Variants in CNTNAP5 observed in about 807,000 individuals in gnomAD.
CNTNAP5 encodes the protein contactin-associated protein-like 5.
A neutral mutation model predicts 150.2 loss-of-function variants in CNTNAP5; 72 were observed. The observed-to-expected ratio is 0.48, with a 90% CI of 0.40 to 0.58. CNTNAP5 has a LOEUF of 0.58. Among genes scored for constraint, CNTNAP5 ranks in the 20% least tolerant of loss-of-function variants. The pLI is 0.00. For synonymous variants in CNTNAP5, 672 were observed against 619.8 expected (o/e 1.08, Z -1.25); for missense variants, 1,636 against 1,626.2 (o/e 1.01, Z -0.10).
chr2:124,042,970 A>G (rs1681423563), intron 1 of CNTNAP5, among the ~76,000 whole-genome samples: 1 of 152,192 alleles, frequency 6.6e-6, no homozygotes, highest in Non-Finnish European at 1.5e-5. Flanking sequence ...GAGCTCAAAG[A>G]TCAGTTAGAT....
At chr2:124,581,093 A>C (rs1696400228) in intron 11 of CNTNAP5, among the ~76,000 whole-genome samples, 1 of 152,150 alleles carries the variant, frequency 6.6e-6, no homozygotes, top group South Asian at 2.1e-4. Flanking sequence ...CCAATGAGGA[A>C]ACCAGGGGAA....
At chr2:124,899,272 T>C (rs1678368535) in intron 21 of CNTNAP5, among the ~76,000 whole-genome samples, 6 of 151,494 alleles carry the variant, frequency 4.0e-5, no homozygotes, top group Admixed American at 3.9e-4. Context: ...GGTACTATTA[T>C]CCCTATTTTA....
chr2:124,132,779 T>C (rs1156406118), intron 1 of CNTNAP5, among the ~76,000 whole-genome samples: 1 of 152,110 alleles, frequency 6.6e-6, no homozygotes, highest in Non-Finnish European at 1.5e-5. Context: ...CTGCAGGGGG[T>C]GTGTACAGAT....
chr2:124,384,509 A>G (rs1279544177), intron 3 of CNTNAP5, among the ~76,000 whole-genome samples: 3 of 152,216 alleles, frequency 2.0e-5, no homozygotes, highest in Non-Finnish European at 4.4e-5. Context: ...ACTATTGTAT[A>G]CATGGTTCTT....
chr2:124,568,503 T>C lies in CNTNAP5; in HGVS notation c.1756+5180T>C, dbSNP rs184892346. ...CTATAAAGCACTTTCCCCTAGAGAA[T>C]ACTGAAGCACACTTACTATTATAAC... On this transcript the variant is annotated intron_variant, in intron 11 of 23. Coordinates refer to ENST00000682447, the MANE Select transcript of CNTNAP5 (RefSeq NM_001367498.1). Among the ~76,000 whole-genome samples the C allele has an allele frequency of 1.4e-3, 217 of 152,350 alleles. 2 individuals are homozygous for C. Among genetic ancestry groups the C allele is most frequent in the African/African-American group, 5.0e-3 (207 of 41,578 alleles).
At chr2:124,525,663 G>A (rs1694947866) in intron 9 of CNTNAP5, among the ~76,000 whole-genome samples, 1 of 152,160 alleles carries the variant, frequency 6.6e-6, no homozygotes, top group Non-Finnish European at 1.5e-5. Flanking sequence ...ATTTTAGGGT[G>A]AGGAAGGGCC....
Position 124,025,318 on chromosome 2 carries a change from T to A in CNTNAP5, c.-333T>A. ...AGCTCTCGCGCCCGACGAGGTGGAT[T>A]TGGCTGTCCACCGAGCTCCGGCGCC... On this transcript the variant is annotated 5_prime_UTR_variant, in exon 1 of 24. The change creates a new upstream start codon in the 5' untranslated region. Coordinates refer to ENST00000682447, the MANE Select transcript of CNTNAP5 (RefSeq NM_001367498.1). The A allele has an allele frequency of 3.3e-6, 1 of 299,554 alleles. No homozygotes were observed. Among genetic ancestry groups the A allele is most frequent in the Non-Finnish European group, 6.5e-6 (1 of 153,114 alleles). The allele number at this position is 299,554 out of a possible 1,614,324, so 18.6% of individuals were successfully genotyped here.
intron 1 of CNTNAP5, among the ~76,000 whole-genome samples, chr2:124,217,788 T>C (rs554778314): frequency 1.3e-5 from 2 of 152,190 alleles, no homozygotes; most frequent in African/African-American, 4.8e-5. Flanking sequence ...CTATTCTCAT[T>C]ACGGGCTTTA....
chr2:124,456,033 C>G lies in CNTNAP5; in HGVS notation c.918+9096C>G, dbSNP rs558395417. Among the ~76,000 whole-genome samples, 61 of 152,246 alleles carry G rather than the reference C, an allele frequency of 4.0e-4. No individual in the cohort carries two copies. The Middle Eastern group carries it at 0.014, about 34-fold the overall frequency. The stretch of plus-strand genomic sequence containing the variant: ...ACAAGGATGCCCGCTCTCACCACTC[C>G]TCTTCAACATAGCACTGGAAGTCCT... On this transcript the variant is annotated intron_variant, in intron 6 of 23. Transcript: ENST00000682447.
chr2:124,892,045 A>G (rs1397613777), intron 21 of CNTNAP5, among the ~76,000 whole-genome samples: 5 of 152,124 alleles, frequency 3.3e-5, no homozygotes, highest in Non-Finnish European at 5.9e-5. Flanking sequence ...AGAGGGAAGT[A>G]TAAGTCTAGA....
chr2:124,197,710 A>G (rs1009641300), intron 1 of CNTNAP5, among the ~76,000 whole-genome samples: 9 of 152,144 alleles, frequency 5.9e-5, no homozygotes, highest in African/African-American at 1.9e-4. Flanking sequence ...GGCCCGGCGC[A>G]GTGGCTCACG....
At chr2:124,508,088 T>TAA (rs55744296) in intron 8 of CNTNAP5, among the ~76,000 whole-genome samples, 20 of 150,648 alleles carry the variant, frequency 1.3e-4, no homozygotes, top group African/African-American at 2.2e-4. Context: ...TCACAAGAGA[T>TAA]AAAAAAAAAA....
At chr2:124,902,324 C>T (rs1239169316) in intron 21 of CNTNAP5, among the ~76,000 whole-genome samples, 2 of 152,118 alleles carry the variant, frequency 1.3e-5, no homozygotes, top group Non-Finnish European at 2.9e-5. Context: ...ATGGACAGAA[C>T]CAAGCAGGTG....
intron 8 of CNTNAP5, among the ~76,000 whole-genome samples, chr2:124,520,941 G>A (rs1056326448): frequency 2.0e-5 from 3 of 152,190 alleles, no homozygotes; most frequent in Non-Finnish European, 4.4e-5. Flanking sequence ...AGAGTCTCTA[G>A]GGATGTTATT....
chr2:124,566,734 A>G (rs1558957115), intron 11 of CNTNAP5, among the ~76,000 whole-genome samples: 1 of 151,908 alleles, frequency 6.6e-6, no homozygotes, highest in South Asian at 2.1e-4. Flanking sequence ...CCTCTAACTA[A>G]TTTCCCCCTC....
intron 7 of CNTNAP5, among the ~76,000 whole-genome samples, chr2:124,483,193 C>A (rs1693798986): frequency 6.6e-6 from 1 of 152,110 alleles, no homozygotes; most frequent in African/African-American, 2.4e-5. Flanking sequence ...AAATATTCAC[C>A]AGGTTCTCAG....
intron 3 of CNTNAP5, among the ~76,000 whole-genome samples, chr2:124,299,724 G>C (rs1224678970): frequency 6.6e-6 from 1 of 152,164 alleles, no homozygotes; most frequent in Non-Finnish European, 1.5e-5. Flanking sequence ...AATACTAACT[G>C]TTCATGGAAG....
At chr2:124,911,278 G>C (rs893714896) in intron 22 of CNTNAP5, among the ~76,000 whole-genome samples, 189 bp from the exon 23 acceptor site, 1 of 151,984 alleles carries the variant, frequency 6.6e-6, no homozygotes, top group Non-Finnish European at 1.5e-5. Context: ...ACTATGGGGT[G>C]TGAGCAGTGC....
At chr2:124,524,877 T>C (rs10187048) in intron 9 of CNTNAP5, among the ~76,000 whole-genome samples, 81,848 of 151,968 alleles carry the variant, frequency 0.54, 22,286 homozygotes, top group South Asian at 0.57. Context: ...ACCCAGGCCC[T>C]TCCTCTGCCA....
Sources: allele counts gnomAD v4.1 joint callset (sites outside exome capture counted in the v4.1 genomes callset), GRCh38; gene constraint gnomAD v4.1.1; transcripts MANE v1.5; gene names NCBI Gene and HGNC (gene_info 2026-07-23, HGNC 2026-07-21).